Variants in LRMDA observed in about 807,000 individuals in gnomAD.
LRMDA encodes the protein leucine rich melanocyte differentiation associated, also known as leucine-rich melanocyte differentiation-associated protein.
In LRMDA, 18 loss-of-function variants were observed where a neutral mutation model predicts 29.8. The observed-to-expected ratio is 0.60, with a 90% CI of 0.42 to 0.90. The LOEUF (loss-of-function observed/expected upper bound fraction) is 0.90. Ranked by LOEUF, LRMDA falls within the 40% of genes least tolerant of loss-of-function variation. The pLI, the probability that LRMDA is intolerant of heterozygous loss-of-function variation, is 0.00. For missense variants in LRMDA, 273 were observed against 273.9 expected (o/e 1.00, Z 0.02); for synonymous variants, 125 against 109.4 (o/e 1.14, Z -0.89).
chr10:75,954,688 A>C (rs966193876), intron 2 of LRMDA, among the ~76,000 whole-genome samples: 1 of 152,318 alleles, frequency 6.6e-6, no homozygotes, highest in Non-Finnish European at 1.5e-5. Context: ...ATTGTCTGAA[A>C]ACCTTCTGTT....
chr10:76,225,621 T>C (rs1303988883), intron 5 of LRMDA, among the ~76,000 whole-genome samples: 3 of 151,944 alleles, frequency 2.0e-5, no homozygotes, highest in East Asian at 3.9e-4. Flanking sequence ...CTCCATGTGA[T>C]CTGTACATAC....
rs539371843 is a variant in LRMDA, at chr10:76,240,119, A to C, written c.517-84282A>C. On this transcript the variant is annotated intron_variant, in intron 5 of 6. Transcript: ENST00000611255. ...TCTCAAAAAAGATATACAAATGGCC[A>C]ACATATGAAAAAAATGCTCAACATC... is the stretch of plus-strand genomic sequence containing the variant. Among the ~76,000 whole-genome samples, 330 of 151,894 alleles carry C rather than the reference A, an allele frequency of 2.2e-3. 2 individuals carry two copies. The highest frequency in any genetic ancestry group is 7.3e-3 in the African/African-American group (301 of 41,488).
chr10:76,145,128 G>A (rs576940192), intron 5 of LRMDA, among the ~76,000 whole-genome samples: 36 of 152,224 alleles, frequency 2.4e-4, no homozygotes, highest in East Asian at 3.9e-4. Context: ...ATCAATGTTC[G>A]TCAAGGATAT....
chr10:75,869,997 G>A (rs1304952270), intron 2 of LRMDA, among the ~76,000 whole-genome samples: 1 of 152,026 alleles, frequency 6.6e-6, no homozygotes, highest in African/African-American at 2.4e-5. Flanking sequence ...TTGCTGCTTC[G>A]TTTATATGAA....
chr10:75,720,383 C>G (rs1842551893), intron 2 of LRMDA, among the ~76,000 whole-genome samples: 1 of 152,150 alleles, frequency 6.6e-6, no homozygotes, highest in African/African-American at 2.4e-5. Flanking sequence ...GTGATTCTTC[C>G]ATCTATGAAA....
intron 2 of LRMDA, among the ~76,000 whole-genome samples, chr10:75,902,505 T>TTTAC (rs1845692407): frequency 2.0e-5 from 3 of 151,512 alleles, no homozygotes; most frequent in African/African-American, 4.8e-5. Flanking sequence ...TGCTTTGGGG[T>TTTAC]ATCTAGAGCT....
chr10:75,552,419 T>TC (rs1840162401), intron 2 of LRMDA: 1 of 285,932 alleles, frequency 3.5e-6, no homozygotes, highest in African/African-American at 2.4e-5. Flanking sequence ...CTGTGTTTTT[T>TC]TTTTTTCCCC....
intron 6 of LRMDA, among the ~76,000 whole-genome samples, chr10:76,380,618 G>A (rs899330565): frequency 4.1e-5 from 6 of 145,886 alleles, no homozygotes; most frequent in African/African-American, 1.3e-4. Flanking sequence ...GCAGTGAGCC[G>A]AGATTGCACC....
At chr10:76,087,192 G>T (rs79790330) in intron 5 of LRMDA, among the ~76,000 whole-genome samples, 1 of 152,104 alleles carries the variant, frequency 6.6e-6, no homozygotes, top group Non-Finnish European at 1.5e-5. Flanking sequence ...GGGTAGTCTC[G>T]TTGTAGCAGG....
intron 5 of LRMDA, among the ~76,000 whole-genome samples, chr10:76,221,428 A>G (rs1851833029): frequency 6.6e-6 from 1 of 152,266 alleles, no homozygotes; most frequent in East Asian, 1.9e-4. Context: ...GCAAAGTCTC[A>G]GGATACAAAA....
chr10:76,393,307 T>C (rs982847185), intron 6 of LRMDA, among the ~76,000 whole-genome samples: 2 of 152,168 alleles, frequency 1.3e-5, no homozygotes, highest in African/African-American at 4.8e-5. Flanking sequence ...GGGTTCCCTT[T>C]TTCCCACATC....
At chr10:76,140,442 TTC>T (rs1850177963) in intron 5 of LRMDA, among the ~76,000 whole-genome samples, 1 of 152,130 alleles carries the variant, frequency 6.6e-6, no homozygotes, top group Non-Finnish European at 1.5e-5. Flanking sequence ...ACATCCTTCT[TTC>T]TCTGTTTCAT....
chr10:75,590,772 A>G (rs1289773974), intron 2 of LRMDA, among the ~76,000 whole-genome samples: 2 of 71,890 alleles, frequency 2.8e-5, no homozygotes, highest in African/African-American at 1.2e-4. Flanking sequence ...TTTTTTTGAG[A>G]TGGAATCTTG....
At chr10:76,430,482 A>C (rs1260436264) in intron 6 of LRMDA, among the ~76,000 whole-genome samples, 2 of 152,174 alleles carry the variant, frequency 1.3e-5, no homozygotes, top group Non-Finnish European at 2.9e-5. Flanking sequence ...TTTTAGTCAT[A>C]GTATTAACCT....
intron 2 of LRMDA, among the ~76,000 whole-genome samples, chr10:75,732,609 G>A (rs924654890): frequency 1.1e-4 from 17 of 152,106 alleles, no homozygotes; most frequent in African/African-American, 3.4e-4. Context: ...TGCAGCCCTG[G>A]CCCTCTCTTG....
At chr10:76,291,936 A>G (rs1589414016) in intron 5 of LRMDA, among the ~76,000 whole-genome samples, 3 of 145,784 alleles carry the variant, frequency 2.1e-5, no homozygotes, top group Admixed American at 2.0e-4. Context: ...ACACGTGCAC[A>G]CACACACACA....
chr10:75,582,507 C>T (rs969785431), intron 2 of LRMDA, among the ~76,000 whole-genome samples: 2 of 152,176 alleles, frequency 1.3e-5, no homozygotes, highest in African/African-American at 2.4e-5. Flanking sequence ...GGAGCAGTGT[C>T]CTGAGGCTGG....
chr10:75,780,234 C>T (rs930167167), intron 2 of LRMDA, among the ~76,000 whole-genome samples: 2 of 152,168 alleles, frequency 1.3e-5, no homozygotes, highest in African/African-American at 4.8e-5. Context: ...ATTGTCATGG[C>T]TATAGTAGCT....
intron 6 of LRMDA, among the ~76,000 whole-genome samples, chr10:76,408,131 A>G (rs895408875): frequency 1.1e-4 from 16 of 152,194 alleles, no homozygotes; most frequent in African/African-American, 3.6e-4. Context: ...ATGCAGAACA[A>G]TTGGGTTTTG....
Sources: allele counts gnomAD v4.1 joint callset (sites outside exome capture counted in the v4.1 genomes callset), GRCh38; gene constraint gnomAD v4.1.1; transcripts MANE v1.5; gene names NCBI Gene and HGNC (gene_info 2026-07-23, HGNC 2026-07-21).